MSR1: variants seen among roughly 807,000 people sequenced by gnomAD.
MSR1 encodes macrophage scavenger receptor 1, also known as macrophage scavenger receptor types I and II.
In MSR1, 53 loss-of-function variants were observed where a neutral mutation model predicts 47.2. That is an observed-to-expected ratio of 1.12 (90% CI 0.90 to 1.41). The LOEUF is 1.41. Ranked by LOEUF, MSR1 falls within the 40% of genes most tolerant of loss-of-function variation. The pLI is 0.00. For synonymous variants in MSR1, 239 were observed against 185.6 expected (o/e 1.29, Z -2.34); for missense variants, 786 against 546.9 (o/e 1.44, Z -4.36).
chr8:16,121,606 A>G (rs1295502877), intron 8 of MSR1, among the ~76,000 whole-genome samples: 4 of 151,908 alleles, frequency 2.6e-5, no homozygotes, highest in Admixed American at 2.6e-4. Context: ...AAAGGCAGAG[A>G]TGAAAAATTA....
At chr8:16,192,403 C>T (rs535137235) in intron 1 of MSR1, among the ~76,000 whole-genome samples, 195 bp downstream of exon 1, 1 of 151,884 alleles carries the variant, frequency 6.6e-6, no homozygotes, top group Non-Finnish European at 1.5e-5. Flanking sequence ...AGCAGAAATC[C>T]CTATTTTTTG....
chr8:16,191,305 T>G (rs1802193317), intron 1 of MSR1, among the ~76,000 whole-genome samples: 1 of 152,208 alleles, frequency 6.6e-6, no homozygotes, highest in South Asian at 2.1e-4. Context: ...CTTTTGAATC[T>G]GAAATCTAGA....
chr8:16,181,967 T>C (rs1233744105), intron 1 of MSR1, among the ~76,000 whole-genome samples: 1 of 152,186 alleles, frequency 6.6e-6, no homozygotes. Context: ...AGATACGTTC[T>C]GAGAAATGCA....
intron 3 of MSR1, among the ~76,000 whole-genome samples, chr8:16,171,430 T>C (rs1801484328): frequency 2.6e-5 from 4 of 152,128 alleles, no homozygotes; most frequent in Admixed American, 2.6e-4. Flanking sequence ...TGATCTACAA[T>C]AGAGTTTGTA....
chr8:16,163,054 A>C (rs1345484380), intron 5 of MSR1, among the ~76,000 whole-genome samples: 1 of 152,066 alleles, frequency 6.6e-6, no homozygotes, highest in African/African-American at 2.4e-5. Context: ...ATGTTAAGAT[A>C]CTGATCAACT....
intron 1 of MSR1, among the ~76,000 whole-genome samples, chr8:16,190,252 C>T (rs1213615741): frequency 6.6e-6 from 1 of 152,002 alleles, no homozygotes; most frequent in Non-Finnish European, 1.5e-5. Context: ...GATAATTCAT[C>T]ATATGTGAAA....
At chr8:16,181,355 T>C (rs892781630) in intron 1 of MSR1, among the ~76,000 whole-genome samples, 1 of 152,082 alleles carries the variant, frequency 6.6e-6, no homozygotes, top group Non-Finnish European at 1.5e-5. Context: ...CTCCAGCATC[T>C]GTTGTTTCTT....
intron 8 of MSR1, chr8:16,140,048 T>C (rs1800511252): frequency 1.2e-6 from 1 of 853,712 alleles, no homozygotes; most frequent in South Asian, 5.4e-5. Context: ...TTAGCTGTTA[T>C]GTCCAGCTCA....
At chr8:16,153,156 T>A (rs894989898) in intron 6 of MSR1, among the ~76,000 whole-genome samples, 1 of 151,942 alleles carries the variant, frequency 6.6e-6, no homozygotes, top group Non-Finnish European at 1.5e-5. Context: ...CAAGCTGAGT[T>A]TAGTAGGCTC....
At chr8:16,166,800 C>T (rs778063072) in intron 4 of MSR1, among the ~76,000 whole-genome samples, 8 of 152,012 alleles carry the variant, frequency 5.3e-5, no homozygotes, top group Non-Finnish European at 8.8e-5. Flanking sequence ...AACCTATTTC[C>T]TCAAACGCCA....
intron 8 of MSR1, among the ~76,000 whole-genome samples, chr8:16,135,909 A>T (rs1800377139): frequency 6.6e-6 from 1 of 152,134 alleles, no homozygotes; most frequent in South Asian, 2.1e-4. Context: ...AACTAGAATT[A>T]GAAGTGGAGC....
At chr8:16,128,964 G>A (rs1437394294) in intron 8 of MSR1, among the ~76,000 whole-genome samples, 1 of 152,142 alleles carries the variant, frequency 6.6e-6, no homozygotes, top group East Asian at 1.9e-4. Context: ...ATTTCTAGGT[G>A]CAGGTAATGT....
At chr8:16,150,066 C>T (rs1194498493) in intron 7 of MSR1, among the ~76,000 whole-genome samples, 165 bp downstream of exon 7, 1 of 149,538 alleles carries the variant, frequency 6.7e-6, no homozygotes, top group Non-Finnish European at 1.5e-5. Context: ...ACAATGACCA[C>T]TTTTTATCAT....
chr8:16,127,364 CG>C (rs1800153551), intron 8 of MSR1, among the ~76,000 whole-genome samples: 1 of 152,098 alleles, frequency 6.6e-6, no homozygotes, highest in African/African-American at 2.4e-5. Context: ...AATACATCGC[CG>C]CCCAATAAGC....
intron 8 of MSR1, chr8:16,139,722 C>A (rs1800479465): frequency 1.2e-6 from 1 of 868,792 alleles, no homozygotes; most frequent in Non-Finnish European, 1.3e-6. Flanking sequence ...GATAAATTGC[C>A]CAAGCTCGAC....
intron 8 of MSR1, chr8:16,140,601 C>A: frequency 9.2e-7 from 1 of 1,084,178 alleles, no homozygotes; most frequent in Non-Finnish European, 1.1e-6. Flanking sequence ...ACTGAAACAT[C>A]ACTCTTCCAA....
chr8:16,150,927 T>G (rs578252983), intron 6 of MSR1, among the ~76,000 whole-genome samples: 4 of 151,744 alleles, frequency 2.6e-5, no homozygotes, highest in South Asian at 2.1e-4. Flanking sequence ...ACTATATACT[T>G]ACACAAATCC....
At chr8:16,164,478 A>G (rs761111005) in intron 4 of MSR1, among the ~76,000 whole-genome samples, 4 of 151,958 alleles carry the variant, frequency 2.6e-5, no homozygotes, top group Non-Finnish European at 5.9e-5. Context: ...ACCCCCTTCA[A>G]AAATCAATTT....
rs566324457 is a variant in MSR1, at chr8:16,143,714, G to A, written c.980-103C>T. ...CAAGGTAATTAAAATATAATAGAAT[G>A]GACAGATATTGAAATGTATAATAAC... On this transcript the variant is annotated intron_variant, in intron 7 of 9. Transcript: ENST00000262101. 21 of 766,912 alleles carry A rather than the reference G, an allele frequency of 2.7e-5. No individual in the cohort carries two copies. The Admixed American group carries it at 3.4e-4, about 13-fold the overall frequency. The allele number at this position is 766,912 out of a possible 1,614,324, so 47.5% of individuals were successfully genotyped here.
Sources: gnomAD v4.1 joint callset for allele counts (sites outside exome capture counted in the v4.1 genomes callset) on GRCh38, gnomAD v4.1.1 for gene constraint, MANE v1.5 for transcripts, NCBI Gene and HGNC (gene_info 2026-07-23, HGNC 2026-07-21) for gene names.